Variants in WIPF2 observed in about 807,000 individuals in gnomAD.
WIPF2 encodes the protein WAS/WASL-interacting protein family member 2.
In WIPF2, 23 loss-of-function variants were observed where a neutral mutation model predicts 38.8. That is an observed-to-expected ratio of 0.59 (90% CI 0.43 to 0.84). WIPF2 has a LOEUF of 0.84. WIPF2 is among the 40% of genes least tolerant of loss of function. The probability of loss-of-function intolerance (pLI) is 0.00; values close to 1 mark genes in which losing one functional copy is unlikely to be tolerated. For missense variants in WIPF2, 574 were observed against 580.5 expected (o/e 0.99, Z 0.11); for synonymous variants, 210 against 223.2 (o/e 0.94, Z 0.53).
Position 40,219,391 on chromosome 17 carries a change from GCGGCGGCGA to G in WIPF2, c.-165_-157del, listed in dbSNP as rs934832720. ...GGTGGCGGCGGCGGCGGCGGCGGCG[GCGGCGGCGA>G]CGGCGAGAAAGAGCTTGCCGGGGGG... On this transcript the variant is annotated 5_prime_UTR_variant, in exon 1 of 8. Transcript: ENST00000323571. The G allele has an allele frequency of 4.8e-6, 2 of 420,418 alleles. No individual in the cohort carries two copies. Among genetic ancestry groups the G allele is most frequent in the Non-Finnish European group, 9.0e-6 (2 of 222,308 alleles). 26.0% of individuals were successfully genotyped at this position (420,418 alleles called of 1,614,324 possible).
chr17:40,225,851 C>T (rs955014831), intron 1 of WIPF2, among the ~76,000 whole-genome samples: 10 of 151,890 alleles, frequency 6.6e-5, no homozygotes, highest in African/African-American at 2.2e-4. Flanking sequence ...GATGGGGTTT[C>T]GCCATGTTGC....
intron 1 of WIPF2, chr17:40,220,008 G>A (rs1359555794): frequency 6.6e-6 from 1 of 152,314 alleles, no homozygotes; most frequent in Non-Finnish European, 1.5e-5. Context: ...TTACACTAGA[G>A]GGAATCTTGA....
intron 1 of WIPF2, among the ~76,000 whole-genome samples, chr17:40,251,893 A>G (rs1414070870): frequency 6.6e-6 from 1 of 152,218 alleles, no homozygotes; most frequent in Non-Finnish European, 1.5e-5. Flanking sequence ...CTTGAGAGCC[A>G]CTGTTGGTAG....
At chr17:40,237,762 C>T (rs2031033568) in intron 1 of WIPF2, among the ~76,000 whole-genome samples, 1 of 150,632 alleles carries the variant, frequency 6.6e-6, no homozygotes, top group South Asian at 2.1e-4. Flanking sequence ...TTTCCTGCCT[C>T]AGCCTCATAA....
chr17:40,233,786 G>A (rs1367502981), intron 1 of WIPF2, among the ~76,000 whole-genome samples: 1 of 151,770 alleles, frequency 6.6e-6, no homozygotes, highest in Non-Finnish European at 1.5e-5. Flanking sequence ...AAATTGGGCC[G>A]GGCACTGTGG....
At chr17:40,237,588 G>T (rs1249738626) in intron 1 of WIPF2, among the ~76,000 whole-genome samples, 2 of 150,650 alleles carry the variant, frequency 1.3e-5, no homozygotes, top group African/African-American at 2.4e-5. Context: ...TTCCTTAGCT[G>T]TTCTTCCGAC....
At chr17:40,223,785 C>A (rs2030356390) in intron 1 of WIPF2, among the ~76,000 whole-genome samples, 1 of 151,908 alleles carries the variant, frequency 6.6e-6, no homozygotes, top group African/African-American at 2.4e-5. Context: ...CGAGGTTTCA[C>A]TGTGTTGGTC....
chr17:40,276,280 C>T (rs550680686), intron 6 of WIPF2, among the ~76,000 whole-genome samples: 28 of 152,128 alleles, frequency 1.8e-4, no homozygotes, highest in African/African-American at 6.5e-4. Context: ...GTAATCCCAG[C>T]GCTTTGGGAG....
chr17:40,252,512 A>G (rs1249438690), intron 1 of WIPF2, among the ~76,000 whole-genome samples: 1 of 151,932 alleles, frequency 6.6e-6, no homozygotes, highest in African/African-American at 2.4e-5. Context: ...AAAAATACAG[A>G]AATTAGCTGG....
At chr17:40,245,405 C>T (rs932381794) in intron 1 of WIPF2, among the ~76,000 whole-genome samples, 2 of 151,378 alleles carry the variant, frequency 1.3e-5, no homozygotes, top group African/African-American at 2.4e-5. Context: ...CGCAGTGGCA[C>T]GATCTCAGCT....
chr17:40,235,449 A>G (rs146111954), intron 1 of WIPF2, among the ~76,000 whole-genome samples: 28 of 151,632 alleles, frequency 1.8e-4, no homozygotes, highest in Middle Eastern at 3.4e-3. Context: ...TGCTTGTTTT[A>G]CGGAAAGTCA....
At chr17:40,253,167 A>ATTG (rs2031613261) in intron 1 of WIPF2, among the ~76,000 whole-genome samples, 1 of 150,250 alleles carries the variant, frequency 6.7e-6, no homozygotes, top group Non-Finnish European at 1.5e-5. Flanking sequence ...GGTTCACGCC[A>ATTG]TTCTCCTGCC....
At chr17:40,225,734 C>A (rs1458198155) in intron 1 of WIPF2, among the ~76,000 whole-genome samples, 1 of 152,118 alleles carries the variant, frequency 6.6e-6, no homozygotes, top group African/African-American at 2.4e-5. Context: ...TCTGTAGCCT[C>A]GACCTCCCCA....
chr17:40,278,209 C>T lies in WIPF2; in HGVS notation c.1307C>T (p.Pro436Leu). Reference protein sequence around the residue: ...NRAARGAPPLPPILR With the variant: ...NRAARGAPPLLPILR ...GCTGCCCGTGGAGCCCCACCTCTGC[C>T]ACCCATTCTCAGGTGAAGCCTGGCT... The change falls in exon 8 of 8, where the codon CCA (proline) becomes CTA (leucine). Residue 436 changes from proline to leucine, a missense_variant. By Grantham distance (98) the Pro-to-Leu change is moderately conservative. Transcript: ENST00000323571. 1 of 1,613,850 alleles carries T rather than the reference C, an allele frequency of 6.2e-7. No individual in the cohort carries two copies. Among genetic ancestry groups the T allele is most frequent in the Non-Finnish European group, 8.5e-7 (1 of 1,179,922 alleles).
chr17:40,274,951 AAAAG>A (rs2032352668), intron 6 of WIPF2, among the ~76,000 whole-genome samples: 2 of 150,906 alleles, frequency 1.3e-5, no homozygotes, highest in South Asian at 2.1e-4. Flanking sequence ...AAAAAAAAAA[AAAAG>A]TCGGCTGGGT....
rs57637591 is a variant in WIPF2, at chr17:40,224,231, C to CTT, written c.-70+4756_-70+4757dup. ...GCTTATTTTTTTTTTCTTTTCTTTTCTTTTTTTTTTTTTTTTTTGAGACGG... is the reference window on the plus strand; with the variant it reads ...GCTTATTTTTTTTTTCTTTTCTTTTCTTTTTTTTTTTTTTTTTTTTGAGACGG... On this transcript the variant is annotated intron_variant, in intron 1 of 7. Coordinates refer to ENST00000323571, the MANE Select transcript of WIPF2 (RefSeq NM_133264.5). Among the ~76,000 whole-genome samples the CTT allele has an allele frequency of 1.1e-3, 117 of 110,100 alleles. 1 individual carries two copies. The highest frequency in any genetic ancestry group is 2.2e-3 in the East Asian group (8 of 3,648). The allele number at this position is 110,100 out of a possible 152,430, so 72.2% of individuals were successfully genotyped here. A position where few individuals can be genotyped will look rare whatever the true frequency, so the allele number is the denominator to read the frequency against.
rs138472496 is a variant in WIPF2 at position 40,256,484 on chromosome 17, C to G, written c.25C>G (p.Pro9Ala). ...AATGCCAATTCCTCCTCCCCCGCCA[C>G]CCCCACCTGGTCCTCCTCCACCTCC... Reference protein sequence around the residue: MPIPPPPPPPPGPPPPPTF... With the variant: MPIPPPPPAPPGPPPPPTF... The change falls in exon 2 of 8, where the codon CCC (proline) becomes GCC (alanine). Residue 9 changes from proline (P) to alanine (A), a missense_variant. Pro to Ala is a conservative substitution (Grantham distance 27). Transcript: ENST00000323571. 15 of 1,606,746 alleles carry G rather than the reference C, an allele frequency of 9.3e-6. No homozygotes were observed. The highest frequency in any genetic ancestry group is 1.7e-5 in the Admixed American group (1 of 58,714).
At position 40,256,383 on chromosome 17, in the gene WIPF2, A is replaced by G; in HGVS notation, c.-69-8A>G. The G allele has an allele frequency of 6.4e-7, 1 of 1,558,990 alleles. No homozygotes were observed. Among genetic ancestry groups the G allele is most frequent in the South Asian group, 1.2e-5 (1 of 81,068 alleles). On this transcript the variant is annotated splice_polypyrimidine_tract_variant and splice_region_variant and intron_variant, in intron 1 of 7. Coordinates refer to ENST00000323571, the MANE Select transcript of WIPF2 (RefSeq NM_133264.5). ...GCTGTTCTTAATGAGTTTCTTTTTCATTTGCAGGTATATGAATGACCTAAA... is the reference window on the plus strand; with the variant it reads ...GCTGTTCTTAATGAGTTTCTTTTTCGTTTGCAGGTATATGAATGACCTAAA...
Position 40,262,580 on chromosome 17 carries a change from G to A in WIPF2, c.252G>A (p.Lys84=), listed in dbSNP as rs1334629174. 2.2e-5 allele frequency: 36 copies of A among 1,613,914 alleles called. No individual in the cohort carries two copies. The highest frequency in any genetic ancestry group is 2.9e-5 in the Non-Finnish European group (34 of 1,179,932). Residue 84 remains lysine, a synonymous_variant, in exon 4 of 8, where the codon AAG becomes AAA. Coordinates refer to ENST00000323571, the MANE Select transcript of WIPF2 (RefSeq NM_133264.5). ...CTGGAGGAGCTGCCCTGCAGCCCAA[G>A]GGAGGTCTCTTCCAAGGAGGAGTGC... ...YGSGGAALQP[K]GGLFQGGVLK...
Sources: gnomAD v4.1 joint callset for allele counts (sites outside exome capture counted in the v4.1 genomes callset) on GRCh38, gnomAD v4.1.1 for gene constraint, MANE v1.5 for transcripts, NCBI Gene and HGNC (gene_info 2026-07-23, HGNC 2026-07-21) for gene names.